ZNF398: variants seen among roughly 807,000 people sequenced by gnomAD.
ZNF398 encodes zinc finger DNA binding protein ZER6.
ZNF398 carries 18 observed loss-of-function variants against 41.9 expected under a neutral mutation model. The ratio of observed to expected loss-of-function variants is 0.43; its 90% confidence interval spans 0.30 to 0.64. The LOEUF (loss-of-function observed/expected upper bound fraction) is 0.64, where lower values mean the gene tolerates loss of function less well. ZNF398 is among the 30% of genes least tolerant of loss of function. ZNF398 has a pLI of 0.14. For missense variants in ZNF398, 669 were observed against 822.8 expected, an observed-to-expected ratio of 0.81 and a Z score of 2.29; for synonymous variants, 260 against 308.8, an observed-to-expected ratio of 0.84 and a Z score of 1.66.
At chr7:149,156,425 T>G (rs533165376) in intron 2 of ZNF398, among the ~76,000 whole-genome samples, 14 of 140,210 alleles carry the variant, frequency 1.0e-4, no homozygotes, top group African/African-American at 3.8e-4. Flanking sequence ...GAGAATCGCT[T>G]GAAGTTGAGG....
At chr7:149,161,395 TTA>T (rs1367834798) in intron 2 of ZNF398, among the ~76,000 whole-genome samples, 1 of 152,036 alleles carries the variant, frequency 6.6e-6, no homozygotes, top group African/African-American at 2.4e-5. Context: ...CCTACAAAAA[TTA>T]TGTTTCTAAA....
At chr7:149,150,537 TGCGGTAAGCTGAGATTACACCACTG>T (rs1827084654) in intron 1 of ZNF398, among the ~76,000 whole-genome samples, 1 of 152,058 alleles carries the variant, frequency 6.6e-6, no homozygotes, top group East Asian at 1.9e-4. Flanking sequence ...AGATGGAGGT[TGCGGTAAGCTGAGATTACACCACTG>T]CACTCCAGCC....
chr7:149,127,548 CAAAAA>C (rs61080328), intron 1 of ZNF398, among the ~76,000 whole-genome samples: 20 of 74,886 alleles, frequency 2.7e-4, no homozygotes, highest in Non-Finnish European at 4.0e-4. Context: ...ACTAAAAATA[CAAAAA>C]AAAAAAAAAA....
At chr7:149,162,732 A>C (rs923531133) in intron 2 of ZNF398, among the ~76,000 whole-genome samples, 4 of 152,218 alleles carry the variant, frequency 2.6e-5, no homozygotes, top group African/African-American at 9.6e-5. Context: ...AACTTGTTTG[A>C]GAAAAAGTCC....
chr7:149,150,173 G>A (rs144631024), intron 1 of ZNF398, among the ~76,000 whole-genome samples: 5 of 152,338 alleles, frequency 3.3e-5, no homozygotes, highest in Admixed American at 6.5e-5. Context: ...AGTATGAAGA[G>A]AAAGTTGAAT....
chr7:149,163,655 A>G (rs28667514), intron 2 of ZNF398, among the ~76,000 whole-genome samples: 6,940 of 152,100 alleles, frequency 0.046, 518 homozygotes, highest in African/African-American at 0.16. Flanking sequence ...TTGTGTTTTT[A>G]GTAGAGACAG....
At chr7:149,152,484 T>C (rs1277937721) in intron 1 of ZNF398, among the ~76,000 whole-genome samples, 1 of 151,518 alleles carries the variant, frequency 6.6e-6, no homozygotes, top group Non-Finnish European at 1.5e-5. Context: ...ATGGTCTCGA[T>C]CTCCTGACCT....
intron 4 of ZNF398, among the ~76,000 whole-genome samples, chr7:149,174,486 C>A (rs1157223697): frequency 6.6e-6 from 1 of 152,056 alleles, no homozygotes; most frequent in African/African-American, 2.4e-5. Flanking sequence ...CTGTGCCCAG[C>A]CCATTCAGAA....
chr7:149,129,990 G>A (rs1434204919), intron 2 of ZNF398, among the ~76,000 whole-genome samples: 4 of 151,838 alleles, frequency 2.6e-5, no homozygotes, highest in Admixed American at 1.3e-4. Flanking sequence ...GTAGAGACGG[G>A]GTTTCTCCAT....
intron 2 of ZNF398, among the ~76,000 whole-genome samples, chr7:149,138,745 T>C (rs1826765175): frequency 6.6e-6 from 1 of 152,192 alleles, no homozygotes; most frequent in African/African-American, 2.4e-5. Flanking sequence ...TGTATGATTA[T>C]ATGTGGCCTT....
chr7:149,137,636 T>C (rs1438594587), intron 2 of ZNF398, among the ~76,000 whole-genome samples: 1 of 152,164 alleles, frequency 6.6e-6, no homozygotes, highest in East Asian at 1.9e-4. Flanking sequence ...TGCCTTGGCC[T>C]CCCAAACTGT....
At chr7:149,178,085 A>C (rs1409220308) in intron 5 of ZNF398, among the ~76,000 whole-genome samples, 1 of 152,136 alleles carries the variant, frequency 6.6e-6, no homozygotes, top group Non-Finnish European at 1.5e-5. Context: ...AGGTCAGGAG[A>C]TCGAGACCAT....
chr7:149,161,297 T>TA (rs2129520821), intron 2 of ZNF398, among the ~76,000 whole-genome samples: 1 of 152,328 alleles, frequency 6.6e-6, no homozygotes, highest in African/African-American at 2.4e-5. Flanking sequence ...CTCAAGCCTG[T>TA]AATTCCAGGG....
chr7:149,133,669 A>G (rs1191534072), intron 2 of ZNF398, among the ~76,000 whole-genome samples: 4 of 48,814 alleles, frequency 8.2e-5, no homozygotes, highest in African/African-American at 1.4e-4. Flanking sequence ...ATATATATAT[A>G]TATATATATA....
At chr7:149,167,838 C>T (rs919627890) in intron 4 of ZNF398, among the ~76,000 whole-genome samples, 5 of 151,936 alleles carry the variant, frequency 3.3e-5, no homozygotes, top group Non-Finnish European at 7.4e-5. Flanking sequence ...GTCTTGATCT[C>T]CTGACCTCGT....
At chr7:149,148,863 C>CTTTTTTTTT (rs59895177) in intron 1 of ZNF398, among the ~76,000 whole-genome samples, 1,089 of 63,250 alleles carry the variant, frequency 0.017, 151 homozygotes, top group Middle Eastern at 0.036. Context: ...TTTTCTTTGT[C>CTTTTTTTTT]TTTTTTTTTT....
chr7:149,170,139 T>C (rs979181193), intron 4 of ZNF398, among the ~76,000 whole-genome samples: 1 of 152,216 alleles, frequency 6.6e-6, no homozygotes, highest in East Asian at 1.9e-4. Flanking sequence ...GGAAAGCACG[T>C]GTTCTGCATA....
In ZNF398 at chr7:149,182,960, C is replaced by A. The variant is rs924483541; in HGVS notation, c.*3159C>A. Among the ~76,000 whole-genome samples the A allele has an allele frequency of 1.3e-5, 2 of 150,322 alleles. No individual in the cohort carries two copies. Among genetic ancestry groups the A allele is most frequent in the Non-Finnish European group, 2.9e-5 (2 of 67,854 alleles). On this transcript the variant is annotated 3_prime_UTR_variant, in exon 6 of 6. Coordinates refer to ENST00000475153, the MANE Select transcript of ZNF398 (RefSeq NM_170686.3). ...TCTGAGAAGTGATGTTCATGTCTAT[C>A]TCAACCAGGACCAGACCCTGTGACT...
intron 2 of ZNF398, among the ~76,000 whole-genome samples, chr7:149,160,759 A>C (rs1795091623): frequency 1.3e-5 from 2 of 151,966 alleles, no homozygotes; most frequent in Admixed American, 6.6e-5. Context: ...TGAGTCCTCC[A>C]CCCTCCAGAA....
Sources: allele counts gnomAD v4.1 joint callset (sites outside exome capture counted in the v4.1 genomes callset), GRCh38; gene constraint gnomAD v4.1.1; transcripts MANE v1.5; gene names NCBI Gene and HGNC (gene_info 2026-07-23, HGNC 2026-07-21).